Variants in GOLGA3 observed in about 807,000 individuals in gnomAD.
GOLGA3 encodes golgin A3, also known as golgin subfamily A member 3.
In GOLGA3, 75 loss-of-function variants were observed where a neutral mutation model predicts 169.4. The ratio of observed to expected loss-of-function variants is 0.44; its 90% CI spans 0.37 to 0.54. The LOEUF is 0.54. Among genes scored for constraint, GOLGA3 ranks in the 20% least tolerant of loss-of-function variants. GOLGA3 has a pLI of 0.00. For missense variants in GOLGA3, 1,899 were observed against 1,930.0 expected (o/e 0.98, Z 0.30); for synonymous variants, 824 against 822.4 (o/e 1.00, Z -0.03).
intron 11 of GOLGA3, among the ~76,000 whole-genome samples, chr12:132,792,703 C>T (rs1315918656): frequency 6.8e-6 from 1 of 146,526 alleles, no homozygotes; most frequent in Non-Finnish European, 1.5e-5. Flanking sequence ...GATCTGCACT[C>T]GGAGGGCTCC....
Position 132,776,714 on chromosome 12 carries a change from T to C in GOLGA3, c.3898A>G (p.Ile1300Val). The change falls in exon 21 of 24, where the codon ATC (isoleucine) becomes GTC (valine). Residue 1300 changes from isoleucine to valine, a missense_variant. Ile to Val is a conservative substitution (Grantham distance 29). Transcript: ENST00000450791. Reference sequence around the variant, plus strand: ...TCCAGCTGCTGCTTCAAGGACTGGATTTCTCTTTCTTTCTGATCCACCTCC... The same window carrying C: ...TCCAGCTGCTGCTTCAAGGACTGGACTTCTCTTTCTTTCTGATCCACCTCC... ...KWEVDQKEREIQSLKQQLDLT... is the reference protein window; with the variant it reads ...KWEVDQKEREVQSLKQQLDLT... 1.2e-6 allele frequency: 2 copies of C among 1,614,080 alleles called. No individual in the cohort carries two copies. Among genetic ancestry groups the C allele is most frequent in the Non-Finnish European group, 1.7e-6 (2 of 1,179,972 alleles).
chr12:132,791,233 G>C lies in GOLGA3; in HGVS notation c.2530C>G (p.Gln844Glu). Reference protein sequence around the residue: ...LKKQMQKIKEQFLQQKVMVEA... With the variant: ...LKKQMQKIKEEFLQQKVMVEA... Reference sequence around the variant, plus strand: ...ATTTTTACCTTTTGTTGGAGAAACTGTTCCTTTATTTTTTGCATTTGCTTT... The same window carrying C: ...ATTTTTACCTTTTGTTGGAGAAACTCTTCCTTTATTTTTTGCATTTGCTTT... Residue 844 changes from glutamine (Q) to glutamate (E), a missense_variant, in exon 12 of 24, where the codon CAG becomes GAG. By Grantham distance (29) the Gln-to-Glu change is conservative. Transcript: ENST00000450791. The C allele has an allele frequency of 6.3e-7, 1 of 1,599,516 alleles. No individual in the cohort carries two copies. Among genetic ancestry groups the C allele is most frequent in the Non-Finnish European group, 8.6e-7 (1 of 1,167,484 alleles).
intron 11 of GOLGA3, 46 bp from the exon 12 acceptor site, chr12:132,791,339 G>T: frequency 9.1e-7 from 1 of 1,099,374 alleles, no homozygotes. Context: ...GCTCCAGGAG[G>T]GGAATCTGTC....
At chr12:132,812,718 G>A (rs540479599) in intron 4 of GOLGA3, among the ~76,000 whole-genome samples, 5 of 152,280 alleles carry the variant, frequency 3.3e-5, no homozygotes, top group Non-Finnish European at 4.4e-5. Context: ...AAACCTGAAT[G>A]GGTAAAATGC....
At chr12:132,775,415 A>C in intron 21 of GOLGA3, 110 bp from the exon 22 acceptor site, 1 of 915,176 alleles carries the variant, frequency 1.1e-6, no homozygotes, top group Admixed American at 2.7e-5. Flanking sequence ...CCTCGGCGCC[A>C]TCTAGATGAT....
At chr12:132,790,542 G>A (rs2136407357) in intron 12 of GOLGA3, among the ~76,000 whole-genome samples, 1 of 152,210 alleles carries the variant, frequency 6.6e-6, no homozygotes, top group South Asian at 2.1e-4. Flanking sequence ...TTTCAATGCT[G>A]GAACTCTATG....
intron 4 of GOLGA3, among the ~76,000 whole-genome samples, chr12:132,809,444 G>A (rs908516837): frequency 6.3e-5 from 4 of 63,816 alleles, no homozygotes; most frequent in African/African-American, 1.8e-4. Context: ...CCGCCCCCCC[G>A]CCCCCCGGTT....
intron 5 of GOLGA3, among the ~76,000 whole-genome samples, chr12:132,807,550 C>T (rs981825951): frequency 2.0e-5 from 3 of 152,046 alleles, no homozygotes; most frequent in East Asian, 1.9e-4. Flanking sequence ...TCTATGTAAA[C>T]GGGAGACTGG....
At chr12:132,805,940 G>A (rs1017771673) in intron 6 of GOLGA3, among the ~76,000 whole-genome samples, 1 of 152,234 alleles carries the variant, frequency 6.6e-6, no homozygotes, top group Non-Finnish European at 1.5e-5. Flanking sequence ...GCAGGGAAAG[G>A]CGGCTGCCTA....
At chr12:132,773,438 C>A in intron 23 of GOLGA3, 144 bp from the exon 24 acceptor site, 12 of 434,346 alleles carry the variant, frequency 2.8e-5, no homozygotes, top group South Asian at 1.7e-4. Context: ...CACAGAAGCT[C>A]AGCTGTTCTC....
At chr12:132,809,036 G>A (rs1320426508) in intron 4 of GOLGA3, among the ~76,000 whole-genome samples, 2 of 152,200 alleles carry the variant, frequency 1.3e-5, no homozygotes, top group Non-Finnish European at 2.9e-5. Flanking sequence ...TTGGATACAA[G>A]GCAGAAGGGG....
chr12:132,774,497 TG>T (rs2045108652), intron 22 of GOLGA3, 177 bp from the exon 23 acceptor site: 1 of 645,310 alleles, frequency 1.5e-6, no homozygotes, highest in African/African-American at 1.8e-5. Context: ...CCAGAATAGC[TG>T]GCTGAGGAAA....
At chr12:132,810,809 C>T (rs963042254) in intron 4 of GOLGA3, among the ~76,000 whole-genome samples, 3 of 152,198 alleles carry the variant, frequency 2.0e-5, no homozygotes, top group African/African-American at 7.2e-5. Flanking sequence ...GAGGGCCTGA[C>T]GTCAGTCAGG....
intron 11 of GOLGA3, among the ~76,000 whole-genome samples, chr12:132,795,581 C>T (rs1341798303): frequency 1.3e-5 from 2 of 151,936 alleles, no homozygotes; most frequent in East Asian, 1.9e-4. Context: ...GCCAACATGG[C>T]GAAACCCCAT....
At chr12:132,775,799 G>C (rs1467732937) in intron 21 of GOLGA3, among the ~76,000 whole-genome samples, 1 of 152,208 alleles carries the variant, frequency 6.6e-6, no homozygotes, top group East Asian at 1.9e-4. Context: ...TCATTTACAA[G>C]GGGAACTTAG....
chr12:132,774,958 T>C, intron 22 of GOLGA3, 183 bp downstream of exon 22: 1 of 579,972 alleles, frequency 1.7e-6, no homozygotes, highest in African/African-American at 1.9e-5. Flanking sequence ...CACTGTTGGA[T>C]GAATGAAACC....
chr12:132,786,774 T>A lies in GOLGA3; in HGVS notation c.2825A>T (p.Asp942Val). 1 of 1,611,962 alleles carries A rather than the reference T, an allele frequency of 6.2e-7. No individual in the cohort carries two copies. The change falls in exon 14 of 24, where the codon GAT becomes GTT. Residue 942 changes from aspartate (D) to valine (V), a missense_variant. By Grantham distance (152) the Asp-to-Val change is radical. Coordinates refer to ENST00000450791, the MANE Select transcript of GOLGA3 (RefSeq NM_001389683.1). Reference sequence around the variant, plus strand: ...TGTGACCGCGACCATCTGCTCCTTATCGAACTGCAACGACTGTGGAAGGGA... The same window carrying A: ...TGTGACCGCGACCATCTGCTCCTTAACGAACTGCAACGACTGTGGAAGGGA... ...METHLQSLQF[D>V]KEQMVAVTEA...
chr12:132,807,402 T>C, intron 5 of GOLGA3, 114 bp from the exon 6 acceptor site: 1 of 562,378 alleles, frequency 1.8e-6, no homozygotes, highest in Non-Finnish European at 3.1e-6. Flanking sequence ...TTTTTTAAAA[T>C]TAAGTAAGAG....
At chr12:132,811,808 C>T (rs1260364674) in intron 4 of GOLGA3, 5 of 957,140 alleles carry the variant, frequency 5.2e-6, no homozygotes, top group Admixed American at 6.2e-5. Flanking sequence ...AAGAAGAACA[C>T]GCTGGTCATT....
Sources: gnomAD v4.1 joint callset for allele counts (sites outside exome capture counted in the v4.1 genomes callset) on GRCh38, gnomAD v4.1.1 for gene constraint, MANE v1.5 for transcripts, NCBI Gene and HGNC (gene_info 2026-07-23, HGNC 2026-07-21) for gene names.